PACRG: variants seen among roughly 807,000 people sequenced by gnomAD.
PACRG encodes parkin coregulated, also known as parkin coregulated gene protein.
A neutral mutation model predicts 29.7 loss-of-function variants in PACRG; 29 were observed. The observed-to-expected ratio is 0.98, with a 90% CI of 0.73 to 1.33. The LOEUF (loss-of-function observed/expected upper bound fraction) is 1.33. PACRG is among the 40% of genes most tolerant of loss of function. PACRG has a pLI of 0.00. For synonymous variants in PACRG, 116 were observed against 118.7 expected, an observed-to-expected ratio of 0.98 and a Z score of 0.15; for missense variants, 279 against 316.2, an observed-to-expected ratio of 0.88 and a Z score of 0.89.
chr6:163,287,836 G>A (rs891957622), intron 4 of PACRG, among the ~76,000 whole-genome samples: 2 of 152,212 alleles, frequency 1.3e-5, no homozygotes, highest in African/African-American at 2.4e-5. Flanking sequence ...TGGCCCGACC[G>A]TGGCCATGCT....
intron 2 of PACRG, among the ~76,000 whole-genome samples, chr6:162,995,317 A>AC (rs1449516995): frequency 1.3e-5 from 2 of 150,880 alleles, no homozygotes. Context: ...AGCCTGGGCA[A>AC]TGGCGGGCGC....
chr6:162,768,121 G>T (rs1379764672), intron 1 of PACRG, among the ~76,000 whole-genome samples: 1 of 151,986 alleles, frequency 6.6e-6, no homozygotes, highest in Admixed American at 6.6e-5. Context: ...CCTTCTTAAA[G>T]AGCATGATTT....
intron 2 of PACRG, among the ~76,000 whole-genome samples, chr6:162,817,520 A>G (rs1787461219): frequency 6.6e-6 from 1 of 152,218 alleles, no homozygotes; most frequent in Non-Finnish European, 1.5e-5. Flanking sequence ...TGAAGATTGC[A>G]GCAGTGTCTG....
At chr6:162,917,242 A>G (rs1796757839) in intron 2 of PACRG, among the ~76,000 whole-genome samples, 1 of 152,138 alleles carries the variant, frequency 6.6e-6, no homozygotes, top group South Asian at 2.1e-4. Flanking sequence ...TTCTGAAATA[A>G]TGCAAGTGGA....
At chr6:163,258,828 G>C (rs953194675) in intron 4 of PACRG, among the ~76,000 whole-genome samples, 4 of 151,880 alleles carry the variant, frequency 2.6e-5, no homozygotes, top group African/African-American at 9.7e-5. Flanking sequence ...AGAGGGTCTT[G>C]GAGAACTGGC....
rs1779035313 is a variant in PACRG, at chr6:163,170,601, T to C, written c.613+81193T>C. 1.3e-5 allele frequency: 2 copies of C among 152,248 alleles called. 1 individual carries two copies. Among genetic ancestry groups the C allele is most frequent in the South Asian group, 4.1e-4 (2 of 4,830 alleles). The allele number at this position is 152,248 out of a possible 1,614,324, so 9.4% of individuals were successfully genotyped here. A position where few individuals can be genotyped will look rare whatever the true frequency, so the allele number is the denominator to read the frequency against. On this transcript the variant is annotated intron_variant, in intron 4 of 4. Coordinates refer to ENST00000366888, the MANE Select transcript of PACRG (RefSeq NM_001080379.2). ...CACAGGGTTCGCCCTGCTTTTATTC[T>C]AAATCTTATGGTAGCTTGGAAAGTA...
chr6:163,025,438 A>G (rs555238821), intron 2 of PACRG, among the ~76,000 whole-genome samples: 1 of 152,342 alleles, frequency 6.6e-6, no homozygotes, highest in South Asian at 2.1e-4. Context: ...TCTATACGCC[A>G]GCAACACGCA....
intron 4 of PACRG, among the ~76,000 whole-genome samples, chr6:163,200,703 CT>C (rs1252530685): frequency 6.6e-6 from 1 of 152,138 alleles, no homozygotes; most frequent in Non-Finnish European, 1.5e-5. Context: ...CCAAGAAATA[CT>C]AAAAACCCTC....
chr6:163,102,901 G>A (rs571478838), intron 4 of PACRG, among the ~76,000 whole-genome samples: 1 of 152,190 alleles, frequency 6.6e-6, no homozygotes, highest in Non-Finnish European at 1.5e-5. Flanking sequence ...TTTAATGTAG[G>A]TATTGTTACT....
intron 2 of PACRG, among the ~76,000 whole-genome samples, chr6:162,953,559 T>G (rs1264130938): frequency 6.6e-6 from 1 of 152,212 alleles, no homozygotes. Flanking sequence ...AGGGTTCACA[T>G]GACCTTGAGA....
chr6:163,128,722 A>G (rs1816611118), intron 4 of PACRG, among the ~76,000 whole-genome samples: 1 of 151,640 alleles, frequency 6.6e-6, no homozygotes, highest in Non-Finnish European at 1.5e-5. Flanking sequence ...AAAACTGTGT[A>G]CATATTATGC....
At chr6:162,956,601 C>A (rs1485294078) in intron 2 of PACRG, among the ~76,000 whole-genome samples, 1 of 152,174 alleles carries the variant, frequency 6.6e-6, no homozygotes, top group Non-Finnish European at 1.5e-5. Context: ...GGGGCAGAAT[C>A]CCTCCTCGCC....
chr6:162,914,654 T>A (rs1796581976), intron 2 of PACRG, among the ~76,000 whole-genome samples: 1 of 150,864 alleles, frequency 6.6e-6, no homozygotes, highest in Non-Finnish European at 1.5e-5. Flanking sequence ...AATCTATAGA[T>A]CAACCTGGGG....
chr6:163,080,167 G>A (rs1158884657), intron 3 of PACRG, among the ~76,000 whole-genome samples: 3 of 152,014 alleles, frequency 2.0e-5, no homozygotes, highest in African/African-American at 7.3e-5. Flanking sequence ...CAAAGTGCTG[G>A]GATTACAGGC....
intron 1 of PACRG, among the ~76,000 whole-genome samples, chr6:162,760,140 C>T (rs1782231431): frequency 6.6e-6 from 1 of 152,166 alleles, no homozygotes; most frequent in Non-Finnish European, 1.5e-5. Context: ...TCTGACTACT[C>T]CAAGTGCGGT....
chr6:162,786,621 G>A (rs1249750370), intron 1 of PACRG, among the ~76,000 whole-genome samples: 1 of 152,110 alleles, frequency 6.6e-6, no homozygotes, highest in Non-Finnish European at 1.5e-5. Flanking sequence ...CAAGTAGAAG[G>A]CAGAAAGGTC....
chr6:163,054,343 A>C (rs1810337990), intron 2 of PACRG, among the ~76,000 whole-genome samples: 1 of 152,142 alleles, frequency 6.6e-6, no homozygotes, highest in East Asian at 1.9e-4. Context: ...CATTTTGAGA[A>C]GGTGACTGTC....
chr6:162,941,038 GTGTTTGTGCA>G (rs1373258491), intron 2 of PACRG, among the ~76,000 whole-genome samples: 2,087 of 49,076 alleles, frequency 0.043, 31 homozygotes, highest in Non-Finnish European at 0.049. Flanking sequence ...GTATATGTGT[GTGTTTGTGCA>G]TGTGTGTGTG....
intron 4 of PACRG, among the ~76,000 whole-genome samples, chr6:163,234,925 C>T (rs1196845660): frequency 2.0e-5 from 3 of 152,056 alleles, no homozygotes; most frequent in African/African-American, 7.3e-5. Context: ...TTGATTTTGA[C>T]GAAGGAAAGT....
Sources: allele counts gnomAD v4.1 joint callset (sites outside exome capture counted in the v4.1 genomes callset), GRCh38; gene constraint gnomAD v4.1.1; transcripts MANE v1.5; gene names NCBI Gene and HGNC (gene_info 2026-07-23, HGNC 2026-07-21).